Variants in EPB41L5 observed in about 807,000 individuals in gnomAD.
EPB41L5 encodes erythrocyte membrane protein band 4.1 like 5, also known as band 4.1-like protein 5.
Under a neutral mutation model 106.6 loss-of-function variants are expected in EPB41L5, and 55 were observed. The observed-to-expected ratio is 0.52, with a 90% CI of 0.42 to 0.65. The LOEUF (loss-of-function observed/expected upper bound fraction) is 0.65, where lower values mean the gene tolerates loss of function less well. EPB41L5 is among the 30% of genes least tolerant of loss of function. EPB41L5 has a pLI of 0.00. For synonymous variants in EPB41L5, 297 were observed against 306.7 expected (o/e 0.97, Z 0.33); for missense variants, 871 against 882.1 (o/e 0.99, Z 0.16).
At chr2:120,083,190 T>C (rs1682808076) in intron 10 of EPB41L5, among the ~76,000 whole-genome samples, 1 of 152,230 alleles carries the variant, frequency 6.6e-6, no homozygotes, top group Non-Finnish European at 1.5e-5. Context: ...CTTTTAATTG[T>C]GATGTTAGGG....
At chr2:120,119,295 GTTTT>G (rs201770980) in intron 16 of EPB41L5, among the ~76,000 whole-genome samples, 1 of 151,154 alleles carries the variant, frequency 6.6e-6, no homozygotes, top group Non-Finnish European at 1.5e-5. Flanking sequence ...TCTGCTGACA[GTTTT>G]TTTTTGTTTG....
chr2:120,041,976 A>C, intron 2 of EPB41L5, 30 bp from the exon 3 acceptor site: 1 of 1,522,304 alleles, frequency 6.6e-7, no homozygotes, highest in Non-Finnish European at 9.1e-7. Flanking sequence ...TAAACCACTT[A>C]TTGATTTACT....
At chr2:120,054,873 T>G (rs1680536988) in intron 3 of EPB41L5, among the ~76,000 whole-genome samples, 1 of 150,872 alleles carries the variant, frequency 6.6e-6, no homozygotes, top group Admixed American at 6.6e-5. Flanking sequence ...CACTTTTTTT[T>G]TTTTTTTTTT....
chr2:120,027,518 A>T (rs553452436), intron 2 of EPB41L5, among the ~76,000 whole-genome samples: 55 of 152,352 alleles, frequency 3.6e-4, no homozygotes, highest in Non-Finnish European at 6.6e-4. Context: ...TGCTTAGGGC[A>T]GCCTGAGTGA....
intron 2 of EPB41L5, among the ~76,000 whole-genome samples, chr2:120,029,117 GT>G (rs1007872367): frequency 7.2e-4 from 110 of 152,238 alleles, no homozygotes; most frequent in African/African-American, 2.6e-3. Context: ...GCAGATCTGA[GT>G]TTCTTTAAGT....
intron 3 of EPB41L5, among the ~76,000 whole-genome samples, chr2:120,065,386 G>A (rs906015271): frequency 2.6e-5 from 4 of 152,022 alleles, no homozygotes; most frequent in African/African-American, 9.7e-5. Context: ...CTCCTGAGTA[G>A]CTATGATTAT....
At chr2:120,092,289 G>A (rs901285539) in intron 13 of EPB41L5, among the ~76,000 whole-genome samples, 2 of 151,942 alleles carry the variant, frequency 1.3e-5, no homozygotes, top group African/African-American at 2.4e-5. Context: ...TTGGCCTCCC[G>A]AATCCTAAAA....
At chr2:120,127,308 A>G (rs1024714668) in intron 16 of EPB41L5, among the ~76,000 whole-genome samples, 1 of 152,184 alleles carries the variant, frequency 6.6e-6, no homozygotes, top group African/African-American at 2.4e-5. Flanking sequence ...ATCTTATTCC[A>G]ACAAAGACCT....
At chr2:120,065,715 C>A (rs1416063259) in intron 3 of EPB41L5, among the ~76,000 whole-genome samples, 1 of 152,068 alleles carries the variant, frequency 6.6e-6, no homozygotes, top group Admixed American at 6.6e-5. Flanking sequence ...TGGGGTTTCA[C>A]CATGTTGGCC....
chr2:120,043,348 C>G (rs1303739650), intron 3 of EPB41L5, among the ~76,000 whole-genome samples: 1 of 151,906 alleles, frequency 6.6e-6, no homozygotes, highest in Non-Finnish European at 1.5e-5. Context: ...TGATACCAGC[C>G]TGTCCAACAT....
At chr2:120,126,572 T>C (rs1685468604) in intron 16 of EPB41L5, among the ~76,000 whole-genome samples, 1 of 152,188 alleles carries the variant, frequency 6.6e-6, no homozygotes, top group Non-Finnish European at 1.5e-5. Flanking sequence ...TTCTCCTGAT[T>C]TATCTTGTCA....
intron 2 of EPB41L5, among the ~76,000 whole-genome samples, chr2:120,028,812 A>T (rs1045563415): frequency 3.3e-5 from 5 of 152,200 alleles, no homozygotes; most frequent in Admixed American, 2.6e-4. Flanking sequence ...GGCGCATATC[A>T]ATTATGTCAA....
intron 14 of EPB41L5, among the ~76,000 whole-genome samples, chr2:120,095,265 G>C (rs1013775266): frequency 3.3e-5 from 5 of 152,064 alleles, no homozygotes; most frequent in African/African-American, 1.2e-4. Flanking sequence ...TTTATCTCTA[G>C]TAACTTTTGT....
Position 120,078,591 on chromosome 2 carries a change from AGTTATT to A in EPB41L5, c.803+13_803+18del. The A allele has an allele frequency of 7.0e-6, 11 of 1,577,610 alleles. No homozygotes were observed. The highest frequency in any genetic ancestry group is 9.6e-6 in the Non-Finnish European group (11 of 1,151,158). ...TTGGCTTATTTTTTTGGTAAGCAAG[AGTTATT>A]GTCAAAGATACTTACTGTTGTTTTG... is the stretch of plus-strand genomic sequence containing the variant. On this transcript the variant is annotated intron_variant, in intron 10 of 24. Transcript: ENST00000263713.
In EPB41L5 at chr2:120,178,352, G is replaced by A. The variant is rs1055002689; in HGVS notation, c.*3445G>A. On this transcript the variant is annotated 3_prime_UTR_variant, in exon 25 of 25. Coordinates refer to ENST00000263713, the MANE Select transcript of EPB41L5 (RefSeq NM_020909.4). ...TGTGGCAGCTGAACGAGGTGCTGTT[G>A]TGGGTGTCTCAGCTCTGAGGGTCTT... 1 of 151,852 alleles carries A rather than the reference G, an allele frequency of 6.6e-6. No individual in the cohort carries two copies. The highest frequency in any genetic ancestry group is 2.4e-5 in the African/African-American group (1 of 41,124). 9.4% of individuals were successfully genotyped at this position (151,852 alleles called of 1,614,324 possible).
chr2:120,161,389 A>T (rs1221207287), intron 21 of EPB41L5, among the ~76,000 whole-genome samples: 1 of 152,048 alleles, frequency 6.6e-6, no homozygotes, highest in Non-Finnish European at 1.5e-5. Flanking sequence ...AAAAAAAAAA[A>T]AAATGTGATA....
intron 20 of EPB41L5, among the ~76,000 whole-genome samples, chr2:120,158,927 C>G (rs1687015991): frequency 6.6e-6 from 1 of 152,158 alleles, no homozygotes; most frequent in South Asian, 2.1e-4. Flanking sequence ...AAATCACTAG[C>G]ATTCCTATAC....
chr2:120,042,972 G>A (rs1174857789), intron 3 of EPB41L5, among the ~76,000 whole-genome samples: 2 of 148,660 alleles, frequency 1.3e-5, no homozygotes, highest in Non-Finnish European at 3.0e-5. Context: ...GGATATCATG[G>A]CATTAAGCCT....
At chr2:120,167,362 G>GC in intron 22 of EPB41L5, 104 bp from the exon 23 acceptor site, 1 of 932,436 alleles carries the variant, frequency 1.1e-6, no homozygotes, top group Non-Finnish European at 1.7e-6. Context: ...ATTAAGAATT[G>GC]CCCTCCTAGA....
Sources: allele counts gnomAD v4.1 joint callset (sites outside exome capture counted in the v4.1 genomes callset), GRCh38; gene constraint gnomAD v4.1.1; transcripts MANE v1.5; gene names NCBI Gene and HGNC (gene_info 2026-07-23, HGNC 2026-07-21).